The following RIMS2 variants were observed in gnomAD, a reference collection of about 807,000 sequenced individuals.
RIMS2 encodes regulating synaptic membrane exocytosis protein 2.
RIMS2 carries 59 observed loss-of-function variants against 174.4 expected under a neutral mutation model. The observed-to-expected ratio is 0.34, with a 90% CI of 0.27 to 0.42. RIMS2 has a LOEUF of 0.42. RIMS2 is among the 10% of genes least tolerant of loss of function. The pLI, the probability that RIMS2 is intolerant of heterozygous loss-of-function variation, is 1.00. For synonymous variants in RIMS2, 606 were observed against 572.5 expected, an observed-to-expected ratio of 1.06 and a Z score of -0.84; for missense variants, 1,620 against 1,666.3, an observed-to-expected ratio of 0.97 and a Z score of 0.48.
At chr8:103,977,579 T>G (rs2093558839) in intron 16 of RIMS2, 1 of 152,342 alleles carries the variant, frequency 6.6e-6, no homozygotes, top group Admixed American at 6.5e-5. Flanking sequence ...AGAAAGCACC[T>G]GAGTATCCTG....
chr8:104,235,786 A>AT (rs1183623361), intron 19 of RIMS2, among the ~76,000 whole-genome samples: 1 of 152,040 alleles, frequency 6.6e-6, no homozygotes, highest in Non-Finnish European at 1.5e-5. Context: ...TACATCTCAA[A>AT]TTTTTAAAAA....
chr8:104,053,762 A>C (rs1053858899), intron 19 of RIMS2, among the ~76,000 whole-genome samples: 1 of 152,166 alleles, frequency 6.6e-6, no homozygotes, highest in Non-Finnish European at 1.5e-5. Flanking sequence ...TAACCAAAGC[A>C]ATGACTTTGT....
In RIMS2 at chr8:103,866,966, C is replaced by T. The variant is rs78997504; in HGVS notation, c.699-18332C>T. On this transcript the variant is annotated intron_variant, in intron 3 of 23. Transcript: ENST00000504942. ...TTGTCATGAGGTTCTGTGTCATTTA[C>T]TTAGCACCACCAATAAACTGGAAAT... 8.0e-3 allele frequency among the ~76,000 whole-genome samples: 1,216 copies of T among 151,926 alleles called. 7 individuals are homozygous for T. The highest frequency in any genetic ancestry group is 0.012 in the Non-Finnish European group (803 of 67,824).
chr8:104,239,481 C>G (rs1185640841), intron 19 of RIMS2, among the ~76,000 whole-genome samples: 2 of 152,108 alleles, frequency 1.3e-5, no homozygotes, highest in Non-Finnish European at 2.9e-5. Flanking sequence ...CCATCTGGGC[C>G]TTACCTGAGT....
At chr8:103,985,712 A>G (rs2094310350) in intron 16 of RIMS2, among the ~76,000 whole-genome samples, 1 of 152,164 alleles carries the variant, frequency 6.6e-6, no homozygotes, top group Admixed American at 6.5e-5. Context: ...CAGAATTGAT[A>G]TGGAATGAAA....
intron 1 of RIMS2, among the ~76,000 whole-genome samples, chr8:103,614,060 T>C (rs1163086731): frequency 6.6e-6 from 1 of 152,368 alleles, no homozygotes; most frequent in East Asian, 1.9e-4. Context: ...ATAGGTCACA[T>C]GCCTCCTTAG....
chr8:103,591,621 T>C (rs984853973), intron 1 of RIMS2, among the ~76,000 whole-genome samples: 2 of 151,232 alleles, frequency 1.3e-5, no homozygotes, highest in African/African-American at 4.8e-5. Flanking sequence ...CTTTTAAAAA[T>C]TTTTTCCATA....
At chr8:104,210,961 A>G (rs1398466484) in intron 19 of RIMS2, among the ~76,000 whole-genome samples, 1 of 152,250 alleles carries the variant, frequency 6.6e-6, no homozygotes, top group Non-Finnish European at 1.5e-5. Context: ...AACTTACATT[A>G]TAGGCTTAAA....
intron 1 of RIMS2, among the ~76,000 whole-genome samples, chr8:103,666,305 A>G (rs898853724): frequency 3.3e-5 from 5 of 152,196 alleles, no homozygotes; most frequent in South Asian, 2.1e-4. Context: ...GTTAGATTAC[A>G]GTTCACTATG....
intron 19 of RIMS2, among the ~76,000 whole-genome samples, chr8:104,070,739 T>A (rs1408412147): frequency 6.6e-6 from 1 of 152,160 alleles, no homozygotes; most frequent in Non-Finnish European, 1.5e-5. Context: ...TTACTATACT[T>A]CAGGAAGGAA....
intron 19 of RIMS2, among the ~76,000 whole-genome samples, chr8:104,114,316 A>G (rs2098244819): frequency 2.0e-5 from 3 of 151,916 alleles, no homozygotes; most frequent in Admixed American, 2.0e-4. Context: ...GCTATATACT[A>G]GTTTCTCGAT....
intron 1 of RIMS2, among the ~76,000 whole-genome samples, chr8:103,627,161 G>C (rs1232808809): frequency 6.6e-6 from 1 of 152,024 alleles, no homozygotes; most frequent in Non-Finnish European, 1.5e-5. Context: ...CCTTCCCCAG[G>C]GTTTCAATTA....
At chr8:103,920,036 T>G (rs952193698) in intron 9 of RIMS2, among the ~76,000 whole-genome samples, 1 of 152,168 alleles carries the variant, frequency 6.6e-6, no homozygotes, top group African/African-American at 2.4e-5. Context: ...ATTACATCTC[T>G]CAGATACTGC....
At chr8:103,752,559 C>T (rs1008469343) in intron 2 of RIMS2, among the ~76,000 whole-genome samples, 1 of 151,354 alleles carries the variant, frequency 6.6e-6, no homozygotes, top group Non-Finnish European at 1.5e-5. Flanking sequence ...CCATTTTCAC[C>T]CATGAGCATG....
rs541490415 is a variant in RIMS2, at chr8:103,564,734, T to G, written c.176+63672T>G. On this transcript the variant is annotated intron_variant, in intron 1 of 23. Transcript: ENST00000504942. ...TCCTAGCTGTGCTGGCAGCTGTGATTAGATGGTGCCCACCCAGATTGAGGG... is the reference window on the plus strand; with the variant it reads ...TCCTAGCTGTGCTGGCAGCTGTGATGAGATGGTGCCCACCCAGATTGAGGG... Among the ~76,000 whole-genome samples, 27 of 152,322 alleles carry G rather than the reference T, an allele frequency of 1.8e-4. 1 individual carries two copies. Among genetic ancestry groups the G allele is most frequent in the Non-Finnish European group, 3.5e-4 (24 of 68,016 alleles).
intron 1 of RIMS2, among the ~76,000 whole-genome samples, chr8:103,623,716 C>G (rs1564063201): frequency 6.6e-6 from 1 of 151,772 alleles, no homozygotes; most frequent in African/African-American, 2.4e-5. Context: ...GTCTCGATCT[C>G]CTGACCTCGT....
intron 4 of RIMS2, among the ~76,000 whole-genome samples, chr8:103,906,739 A>ACAGGCTT (rs1416457197): frequency 2.1e-5 from 3 of 141,524 alleles, no homozygotes; most frequent in African/African-American, 7.8e-5. Flanking sequence ...ATTTTTATTT[A>ACAGGCTT]CAGGCTTCAG....
chr8:104,213,888 AAAGAAG>A lies in RIMS2; in HGVS notation c.3335-31002_3335-30997del, dbSNP rs762065499. Among the ~76,000 whole-genome samples the A allele has an allele frequency of 6.0e-3, 889 of 148,120 alleles. 3 individuals carry two copies. The highest frequency in any genetic ancestry group is 0.014 in the African/African-American group (548 of 39,252). ...GAGACTCTGCCTCGGAAAAAAAAAAAAAGAAGAAGAAGAAGAAGAAGAAGAAGAAGA... is the reference window on the plus strand; with the variant it reads ...GAGACTCTGCCTCGGAAAAAAAAAAAAAGAAGAAGAAGAAGAAGAAGAAGA... On this transcript the variant is annotated intron_variant, in intron 19 of 23. Transcript: ENST00000504942.
chr8:103,524,572 A>T (rs1050373537), intron 1 of RIMS2, among the ~76,000 whole-genome samples: 1 of 152,172 alleles, frequency 6.6e-6, no homozygotes, highest in African/African-American at 2.4e-5. Flanking sequence ...CAGAGAAAAA[A>T]AGGAAAATGG....
Sources: allele counts gnomAD v4.1 joint callset (sites outside exome capture counted in the v4.1 genomes callset), GRCh38; gene constraint gnomAD v4.1.1; transcripts MANE v1.5; gene names NCBI Gene and HGNC (gene_info 2026-07-23, HGNC 2026-07-21).